CNTNAP2: variants seen among roughly 807,000 people sequenced by gnomAD.
CNTNAP2 encodes the protein contactin associated protein 2, also known as contactin-associated protein-like 2.
In CNTNAP2, 98 loss-of-function variants were observed where a neutral mutation model predicts 155.2. That is an observed-to-expected ratio of 0.63 (90% CI 0.54 to 0.75). CNTNAP2 has a LOEUF of 0.75. Ranked by LOEUF, CNTNAP2 falls within the 30% of genes least tolerant of loss-of-function variation. The probability of loss-of-function intolerance (pLI) is 0.00; values close to 1 mark genes in which losing one functional copy is unlikely to be tolerated. For synonymous variants in CNTNAP2, 651 were observed against 631.2 expected (o/e 1.03, Z -0.47); for missense variants, 1,727 against 1,688.1 (o/e 1.02, Z -0.40).
chr7:146,414,144 T>G (rs1795904863), intron 1 of CNTNAP2, among the ~76,000 whole-genome samples: 1 of 152,254 alleles, frequency 6.6e-6, no homozygotes, highest in Admixed American at 6.5e-5. Flanking sequence ...TACACACGTT[T>G]CTATTTTATA....
chr7:147,574,049 TTTC>T (rs1183953726), intron 12 of CNTNAP2, among the ~76,000 whole-genome samples: 1 of 152,128 alleles, frequency 6.6e-6, no homozygotes, highest in Non-Finnish European at 1.5e-5. Flanking sequence ...TGTTCTTACA[TTTC>T]TTTTTATTTA....
At chr7:146,241,839 AAC>A (rs145823085) in intron 1 of CNTNAP2, among the ~76,000 whole-genome samples, 1 of 151,208 alleles carries the variant, frequency 6.6e-6, no homozygotes, top group Non-Finnish European at 1.5e-5. Flanking sequence ...CACACACACA[AAC>A]ACACACGCAC....
chr7:148,253,900 C>T (rs1796415097), intron 20 of CNTNAP2, among the ~76,000 whole-genome samples: 1 of 152,134 alleles, frequency 6.6e-6, no homozygotes, highest in Non-Finnish European at 1.5e-5. Context: ...CTCATGCATA[C>T]TCAAATCTTG....
At chr7:147,609,626 A>T (rs1029005128) in intron 12 of CNTNAP2, among the ~76,000 whole-genome samples, 3 of 152,060 alleles carry the variant, frequency 2.0e-5, no homozygotes, top group Non-Finnish European at 2.9e-5. Flanking sequence ...TCAGAAGGTG[A>T]TGTGTGCTAT....
chr7:148,049,743 A>T (rs1349568142), intron 15 of CNTNAP2, among the ~76,000 whole-genome samples: 1 of 152,258 alleles, frequency 6.6e-6, no homozygotes, highest in Non-Finnish European at 1.5e-5. Context: ...AGTGTAGCTT[A>T]TACAATTATG....
intron 9 of CNTNAP2, among the ~76,000 whole-genome samples, chr7:147,303,066 G>A (rs1447412680): frequency 1.3e-5 from 2 of 152,146 alleles, no homozygotes; most frequent in African/African-American, 4.8e-5. Context: ...ACTGGCACAG[G>A]ATCACTAAGT....
At chr7:147,530,970 A>G (rs955979898) in intron 11 of CNTNAP2, among the ~76,000 whole-genome samples, 6 of 152,202 alleles carry the variant, frequency 3.9e-5, no homozygotes, top group African/African-American at 1.2e-4. Flanking sequence ...TGGCCGAAAC[A>G]AAGGAGCTAC....
intron 3 of CNTNAP2, among the ~76,000 whole-genome samples, chr7:146,933,265 G>A (rs1796822543): frequency 6.6e-6 from 1 of 152,108 alleles, no homozygotes; most frequent in East Asian, 1.9e-4. Flanking sequence ...ACAGAACAGA[G>A]CCCTCAGAAA....
intron 9 of CNTNAP2, among the ~76,000 whole-genome samples, chr7:147,379,759 TA>T (rs1796501964): frequency 6.6e-6 from 1 of 152,060 alleles, no homozygotes; most frequent in Non-Finnish European, 1.5e-5. Flanking sequence ...GTGGTGGGGC[TA>T]GGGGCGTGAG....
At chr7:148,025,198 T>G (rs1405257290) in intron 15 of CNTNAP2, among the ~76,000 whole-genome samples, 1 of 152,224 alleles carries the variant, frequency 6.6e-6, no homozygotes, top group Non-Finnish European at 1.5e-5. Flanking sequence ...ACTGCTCCTT[T>G]AGATAATATC....
chr7:148,125,679 GTGTGTGTGTGTATATA>G (rs1417900076), intron 16 of CNTNAP2, among the ~76,000 whole-genome samples: 2 of 145,336 alleles, frequency 1.4e-5, no homozygotes, highest in African/African-American at 5.4e-5. Context: ...GTGTGTGTGT[GTGTGTGTGTGTATATA>G]TATATAGTTT....
At chr7:147,239,839 G>A (rs1275715642) in intron 8 of CNTNAP2, among the ~76,000 whole-genome samples, 1 of 152,084 alleles carries the variant, frequency 6.6e-6, no homozygotes, top group South Asian at 2.1e-4. Context: ...CCACAATACT[G>A]AGTCAAGTGG....
At chr7:147,813,514 T>G (rs1798214813) in intron 13 of CNTNAP2, among the ~76,000 whole-genome samples, 1 of 152,212 alleles carries the variant, frequency 6.6e-6, no homozygotes, top group African/African-American at 2.4e-5. Context: ...CCAACAGGGT[T>G]ACCTTCTGGG....
chr7:147,788,817 G>T (rs1012407498), intron 13 of CNTNAP2, among the ~76,000 whole-genome samples: 1 of 150,448 alleles, frequency 6.6e-6, no homozygotes, highest in African/African-American at 2.4e-5. Context: ...AAAATCCCAG[G>T]AACCTCTTTC....
chr7:147,534,858 T>G (rs969054034), intron 11 of CNTNAP2, among the ~76,000 whole-genome samples: 2 of 152,100 alleles, frequency 1.3e-5, no homozygotes, highest in African/African-American at 4.8e-5. Flanking sequence ...GAAGTAGATA[T>G]CCAAAGACTT....
intron 14 of CNTNAP2, among the ~76,000 whole-genome samples, chr7:147,958,556 G>T (rs1038439668): frequency 3.9e-5 from 6 of 152,102 alleles, no homozygotes; most frequent in Non-Finnish European, 7.4e-5. Flanking sequence ...TTTTATGGTA[G>T]ATATTTTCTT....
chr7:147,525,246 A>G (rs1028106219), intron 11 of CNTNAP2, among the ~76,000 whole-genome samples: 2 of 152,244 alleles, frequency 1.3e-5, no homozygotes, highest in Admixed American at 1.3e-4. Flanking sequence ...AACACAGAGC[A>G]TATGCTGTCT....
At chr7:146,639,684 T>C (rs1235940597) in intron 1 of CNTNAP2, among the ~76,000 whole-genome samples, 1 of 152,228 alleles carries the variant, frequency 6.6e-6, no homozygotes, top group East Asian at 1.9e-4. Context: ...TGACAGTAGT[T>C]AGCAATTGCT....
intron 18 of CNTNAP2, among the ~76,000 whole-genome samples, chr7:148,182,974 A>G (rs1795062151): frequency 6.6e-6 from 1 of 152,250 alleles, no homozygotes; most frequent in Non-Finnish European, 1.5e-5. Context: ...ACAATTTAAC[A>G]TTCTACATTC....
Sources: allele counts gnomAD v4.1 joint callset (sites outside exome capture counted in the v4.1 genomes callset), GRCh38; gene constraint gnomAD v4.1.1; transcripts MANE v1.5; gene names NCBI Gene and HGNC (gene_info 2026-07-23, HGNC 2026-07-21).